Variants in GLDC observed in about 807,000 individuals in gnomAD.
GLDC encodes the protein glycine decarboxylase.
Under a neutral mutation model 121.3 loss-of-function variants are expected in GLDC, and 104 were observed. That is an observed-to-expected ratio of 0.86 (90% CI 0.73 to 1.01). The LOEUF (loss-of-function observed/expected upper bound fraction) is 1.01. Ranked by LOEUF, GLDC falls within the 50% of genes least tolerant of loss-of-function variation. The pLI is 0.00. For synonymous variants in GLDC, 546 were observed against 480.6 expected (o/e 1.14, Z -1.78); for missense variants, 1,429 against 1,306.6 (o/e 1.09, Z -1.44).
At position 6,536,225 on chromosome 9, in the gene GLDC, G is replaced by C; in HGVS notation, c.2677C>G (p.Pro893Ala). The change falls in exon 23 of 25, where the codon CCT becomes GCT. Residue 893 changes from proline to alanine, a missense_variant. Pro to Ala is a conservative substitution (Grantham distance 27, BLOSUM62 -1). Coordinates refer to ENST00000321612, the MANE Select transcript of GLDC (RefSeq NM_000170.3). Reference sequence around the variant, plus strand: ...CCTGCCACAGGCCAGGACATGGTAGGGGCGTGAAATCCTGCAAAGGGAGAC... The same window carrying C: ...CCTGCCACAGGCCAGGACATGGTAGCGGCGTGAAATCCTGCAAAGGGAGAC... ...KRLQDYGFHA[P>A]TMSWPVAGTL... The C allele has an allele frequency of 6.2e-7, 1 of 1,613,758 alleles. No individual in the cohort carries two copies. The highest frequency in any genetic ancestry group is 2.2e-5 in the East Asian group (1 of 44,862).
intron 19 of GLDC, among the ~76,000 whole-genome samples, chr9:6,554,188 G>C (rs1291618528): frequency 6.6e-6 from 1 of 151,988 alleles, no homozygotes; most frequent in Admixed American, 6.6e-5. Context: ...GTCCTACTCT[G>C]GCTTCATCCA....
chr9:6,541,231 A>G (rs1310961095), intron 21 of GLDC: 2 of 152,332 alleles, frequency 1.3e-5, no homozygotes, highest in Non-Finnish European at 2.9e-5. Flanking sequence ...CCACACAACC[A>G]TCATCAGGAA....
chr9:6,564,099 T>G (rs1817809065), intron 16 of GLDC, among the ~76,000 whole-genome samples: 1 of 151,946 alleles, frequency 6.6e-6, no homozygotes, highest in African/African-American at 2.4e-5. Flanking sequence ...AATACAAAAA[T>G]TAGCCGGGCG....
At chr9:6,539,418 G>T (rs904305429) in intron 22 of GLDC, among the ~76,000 whole-genome samples, 18 of 152,280 alleles carry the variant, frequency 1.2e-4, no homozygotes, top group African/African-American at 4.3e-4. Context: ...GGTGGAGGTT[G>T]CAGTGAGCTG....
At chr9:6,542,053 A>T (rs1817277846) in intron 21 of GLDC, 1 of 152,106 alleles carries the variant, frequency 6.6e-6, no homozygotes, top group Admixed American at 6.6e-5. Flanking sequence ...CATCCTGGCC[A>T]ACGTGGTGAA....
At chr9:6,543,438 G>C (rs1183394473) in intron 21 of GLDC, among the ~76,000 whole-genome samples, 2 of 152,136 alleles carry the variant, frequency 1.3e-5, no homozygotes, top group Non-Finnish European at 2.9e-5. Context: ...CTTCCAAGCA[G>C]AGGTTCAGTA....
intron 3 of GLDC, among the ~76,000 whole-genome samples, chr9:6,614,711 G>C (rs1818933886): frequency 6.6e-6 from 1 of 152,092 alleles, no homozygotes; most frequent in Non-Finnish European, 1.5e-5. Context: ...ATTTTCTACA[G>C]TCATGCATGG....
At chr9:6,645,209 A>AG (rs1819717624) in intron 1 of GLDC, 36 bp downstream of exon 1, 7 of 1,549,992 alleles carry the variant, frequency 4.5e-6, no homozygotes, top group Admixed American at 1.9e-5. Flanking sequence ...GGCAGGGCGG[A>AG]GGGGAGGCCG....
At position 6,602,098 on chromosome 9, in the gene GLDC, G is replaced by T; in HGVS notation, c.1155+11C>A. The stretch of plus-strand genomic sequence containing the variant: ...AAGGCATTCAGTAGTCAGGTCAGAC[G>T]TGTGATTTACCTGAGCTGTACAGAT... On this transcript the variant is annotated intron_variant, in intron 8 of 24. Transcript: ENST00000321612. The T allele has an allele frequency of 6.6e-7, 1 of 1,514,650 alleles. No homozygotes were observed. The allele number at this position is 1,514,650 out of a possible 1,614,324, so 93.8% of individuals were successfully genotyped here.
intron 2 of GLDC, among the ~76,000 whole-genome samples, chr9:6,627,737 G>C (rs556318751): frequency 2.0e-5 from 3 of 152,162 alleles, no homozygotes; most frequent in Non-Finnish European, 4.4e-5. Flanking sequence ...GTGACTTGAT[G>C]AACAGAGGGG....
chr9:6,556,217 A>G lies in GLDC; in HGVS notation c.2138T>C (p.Val713Ala), dbSNP rs774067413. The G allele has an allele frequency of 6.2e-7, 1 of 1,612,568 alleles. No individual in the cohort carries two copies. Among genetic ancestry groups the G allele is most frequent in the Non-Finnish European group, 8.5e-7 (1 of 1,178,584 alleles). ...NGVFEENISD[V>A]CDLIHQHGGQ... ...TCCATGTTGATGGATGAGGTCACAC[A>G]CGTCACTGATGTTCTCTTCAAACAC... is the stretch of plus-strand genomic sequence containing the variant. Residue 713 changes from valine to alanine, a missense_variant, in exon 18 of 25, where the codon GTG becomes GCG. Transcript: ENST00000321612.
At chr9:6,593,467 A>C (rs539149139) in intron 9 of GLDC, among the ~76,000 whole-genome samples, 60 of 151,214 alleles carry the variant, frequency 4.0e-4, no homozygotes, top group Middle Eastern at 3.4e-3. Context: ...CCTGGCTAAT[A>C]ATTTTTTAAA....
At chr9:6,544,978 A>G (rs1817356848) in intron 21 of GLDC, among the ~76,000 whole-genome samples, 1 of 152,000 alleles carries the variant, frequency 6.6e-6, no homozygotes, top group East Asian at 1.9e-4. Flanking sequence ...GCATGCCTGT[A>G]ATCCCAGCTA....
At chr9:6,602,574 A>T (rs2129887183) in intron 7 of GLDC, among the ~76,000 whole-genome samples, 1 of 152,164 alleles carries the variant, frequency 6.6e-6, no homozygotes, top group South Asian at 2.1e-4. Context: ...GCTGGTCTTG[A>T]ACTCCTGGCC....
chr9:6,632,804 C>T (rs1329137508), intron 2 of GLDC, among the ~76,000 whole-genome samples: 2 of 152,184 alleles, frequency 1.3e-5, no homozygotes, highest in African/African-American at 4.8e-5. Context: ...CCTTGAAGTC[C>T]TCCCCTCGGC....
chr9:6,628,531 T>C (rs1465602521), intron 2 of GLDC, among the ~76,000 whole-genome samples: 1 of 152,216 alleles, frequency 6.6e-6, no homozygotes, highest in Admixed American at 6.5e-5. Flanking sequence ...GGCTCACGCC[T>C]GTTAATCCCA....
At chr9:6,564,643 G>T (rs1817819414) in intron 16 of GLDC, among the ~76,000 whole-genome samples, 1 of 152,204 alleles carries the variant, frequency 6.6e-6, no homozygotes, top group Non-Finnish European at 1.5e-5. Flanking sequence ...CATAGCACTG[G>T]CCATCAAAAT....
At chr9:6,640,331 CG>C (rs1819604587) in intron 2 of GLDC, among the ~76,000 whole-genome samples, 1 of 152,204 alleles carries the variant, frequency 6.6e-6, no homozygotes. Context: ...TCACAGACTG[CG>C]GGGCCTACAG....
chr9:6,567,534 C>T (rs1217557782), intron 15 of GLDC: 1 of 152,276 alleles, frequency 6.6e-6, no homozygotes, highest in Non-Finnish European at 1.5e-5. Context: ...CTACAACTCT[C>T]TGCAAAGCCT....
Sources: gnomAD v4.1 joint callset for allele counts (sites outside exome capture counted in the v4.1 genomes callset) on GRCh38, gnomAD v4.1.1 for gene constraint, MANE v1.5 for transcripts, NCBI Gene and HGNC (gene_info 2026-07-23, HGNC 2026-07-21) for gene names.